NALCN: variants seen among roughly 807,000 people sequenced by gnomAD.
The protein encoded by NALCN is sodium leak channel NALCN.
A neutral mutation model predicts 225.3 loss-of-function variants in NALCN; 111 were observed. That is an observed-to-expected ratio of 0.49 (90% CI 0.42 to 0.58). The LOEUF is 0.58. NALCN is among the 20% of genes least tolerant of loss of function. The probability of loss-of-function intolerance (pLI) is 0.00; values close to 1 mark genes in which losing one functional copy is unlikely to be tolerated. For synonymous variants in NALCN, 764 were observed against 769.0 expected, an observed-to-expected ratio of 0.99 and a Z score of 0.11; for missense variants, 1,378 against 2,202.4, an observed-to-expected ratio of 0.63 and a Z score of 7.49.
intron 7 of NALCN, among the ~76,000 whole-genome samples, chr13:101,325,043 C>T (rs376026718): frequency 2.6e-5 from 4 of 152,238 alleles, no homozygotes; most frequent in African/African-American, 9.6e-5. Context: ...TCTGGACAAG[C>T]TGGTTCCTGG....
intron 14 of NALCN, chr13:101,180,732 A>C (rs1386833228): frequency 4.4e-6 from 1 of 226,680 alleles, no homozygotes; most frequent in Non-Finnish European, 8.9e-6. Context: ...ATCAGGTTCC[A>C]AGAAGAATTA....
At chr13:101,160,411 C>T (rs1268829340) in intron 15 of NALCN, among the ~76,000 whole-genome samples, 1 of 151,992 alleles carries the variant, frequency 6.6e-6, no homozygotes, top group Non-Finnish European at 1.5e-5. Flanking sequence ...ACTGACCAAG[C>T]GTGGGGAGGA....
At chr13:101,156,510 C>A (rs2037909017) in intron 15 of NALCN, among the ~76,000 whole-genome samples, 1 of 151,964 alleles carries the variant, frequency 6.6e-6, no homozygotes, top group Admixed American at 6.6e-5. Flanking sequence ...CTTACATAAC[C>A]CTCCAACCAT....
At chr13:101,091,792 T>C (rs567783730) in intron 28 of NALCN, among the ~76,000 whole-genome samples, 1 of 152,314 alleles carries the variant, frequency 6.6e-6, no homozygotes, top group South Asian at 2.1e-4. Flanking sequence ...TTTGTAGAAG[T>C]GCTTTCTTAG....
rs751624869 is a variant in NALCN at position 101,399,083 on chromosome 13, A to G, written c.44T>C (p.Val15Ala). 1 of 1,613,670 alleles carries G rather than the reference A, an allele frequency of 6.2e-7. No individual in the cohort carries two copies. Among genetic ancestry groups the G allele is most frequent in the Non-Finnish European group, 8.5e-7 (1 of 1,179,672 alleles). The change falls in exon 2 of 44, where the codon GTC becomes GCC. Residue 15 changes from valine (V) to alanine (A), a missense_variant. Coordinates refer to ENST00000251127, the MANE Select transcript of NALCN (RefSeq NM_052867.4). ...KQSSRVEAQP[V>A]TDFGPDESLS... ...AGACTCATCAGGACCAAAGTCAGTG[A>G]CTGGCTGGGCTTCCACCCTGGAACT...
At chr13:101,098,710 T>C (rs2034648188) in intron 27 of NALCN, among the ~76,000 whole-genome samples, 1 of 152,182 alleles carries the variant, frequency 6.6e-6, no homozygotes, top group South Asian at 2.1e-4. Context: ...ATCTCTTCTT[T>C]TAGTAAGATG....
intron 11 of NALCN, among the ~76,000 whole-genome samples, chr13:101,258,205 A>T (rs2042302697): frequency 6.6e-6 from 1 of 152,158 alleles, no homozygotes; most frequent in Non-Finnish European, 1.5e-5. Flanking sequence ...GACCCAGGGG[A>T]AAAGGGTTAC....
intron 11 of NALCN, among the ~76,000 whole-genome samples, chr13:101,256,964 C>G (rs2042252053): frequency 6.6e-6 from 1 of 152,058 alleles, no homozygotes. Context: ...GGGGTTTCAC[C>G]ATGTTGGCCA....
chr13:101,066,308 C>CAAA (rs72260451), intron 39 of NALCN, among the ~76,000 whole-genome samples: 9,366 of 124,904 alleles, frequency 0.075, 784 homozygotes, highest in African/African-American at 0.21. Context: ...GACTCCATCT[C>CAAA]AAAAAAAAAA....
At chr13:101,114,933 C>T (rs1201941560) in intron 18 of NALCN, among the ~76,000 whole-genome samples, 1 of 152,060 alleles carries the variant, frequency 6.6e-6, no homozygotes, top group Admixed American at 6.5e-5. Context: ...TCTTTTAGTT[C>T]GTCACATATG....
chr13:101,055,414 C>T lies in NALCN; in HGVS notation c.5098G>A (p.Val1700Met), dbSNP rs761894809. ...TCAGTCATGGGGTTCATTTTGCACA[C>T]GACAGATTTCATGGTTGTCCTTCCT... is the stretch of plus-strand genomic sequence containing the variant. Reference protein sequence around the residue: ...FGGRTTMKSVVCKMNPMTDAA... With the variant: ...FGGRTTMKSVMCKMNPMTDAA... The change falls in exon 44 of 44, where the codon GTG (valine) becomes ATG (methionine). Residue 1700 changes from valine to methionine, a missense_variant. This residue lies in a region of NALCN where 145 missense variants were observed against 169.6 expected (regional missense o/e 0.85). Transcript: ENST00000251127. 1.3e-4 allele frequency: 216 copies of T among 1,614,004 alleles called. No homozygotes were observed. The highest frequency in any genetic ancestry group is 7.4e-4 in the South Asian group (67 of 91,082).
rs976481187 is a variant in NALCN at position 101,243,856 on chromosome 13, C to T, written c.1267-5934G>A. ...CATACAGGCAGGTCCAGCTCCTCTGCGGGAAATGAAAGGCTCTCTGCCCTG... is the reference window on the plus strand; with the variant it reads ...CATACAGGCAGGTCCAGCTCCTCTGTGGGAAATGAAAGGCTCTCTGCCCTG... On this transcript the variant is annotated intron_variant, in intron 11 of 43. Transcript: ENST00000251127. 5.7e-5 allele frequency among the ~76,000 whole-genome samples: 6 copies of T among 104,492 alleles called. 1 individual carries two copies. The Middle Eastern group carries it at 0.013, about 227-fold the overall frequency. 68.6% of individuals were successfully genotyped at this position (104,492 alleles called of 152,430 possible).
At position 101,272,668 on chromosome 13, in the gene NALCN, G is replaced by C. The variant is rs561453048; in HGVS notation, c.1134+11265C>G. Among the ~76,000 whole-genome samples the C allele has an allele frequency of 3.3e-5, 5 of 152,268 alleles. No homozygotes were observed. The South Asian group carries it at 8.3e-4, about 25-fold the overall frequency. ...AGATTGAATTTGGAGAGGACAAAAG[G>C]AGAAGCATAATGGGTTGGTTTGGAG... On this transcript the variant is annotated intron_variant, in intron 10 of 43. Transcript: ENST00000251127.
intron 7 of NALCN, among the ~76,000 whole-genome samples, chr13:101,323,458 T>C (rs2044827592): frequency 6.6e-6 from 1 of 152,242 alleles, no homozygotes; most frequent in Non-Finnish European, 1.5e-5. Context: ...ATATGTACAA[T>C]ATGTTCTTAG....
At chr13:101,184,791 C>T (rs1007130079) in intron 14 of NALCN, among the ~76,000 whole-genome samples, 1 of 152,198 alleles carries the variant, frequency 6.6e-6, no homozygotes, top group Non-Finnish European at 1.5e-5. Context: ...CCTGCAGCAA[C>T]ATATCCTATT....
chr13:101,365,034 T>C (rs768640633), intron 6 of NALCN, among the ~76,000 whole-genome samples: 2 of 152,034 alleles, frequency 1.3e-5, no homozygotes, highest in Non-Finnish European at 2.9e-5. Context: ...TTTCCATTTG[T>C]ATTTCTTTTT....
intron 37 of NALCN, among the ~76,000 whole-genome samples, chr13:101,071,430 T>C (rs1462250775): frequency 6.6e-6 from 1 of 152,238 alleles, no homozygotes; most frequent in Non-Finnish European, 1.5e-5. Flanking sequence ...CTAGATAACT[T>C]GCCACAGCTT....
chr13:101,394,368 C>A (rs139996551), intron 3 of NALCN, among the ~76,000 whole-genome samples: 109 of 152,266 alleles, frequency 7.2e-4, no homozygotes, highest in African/African-American at 2.4e-3. Context: ...AAATAAAACA[C>A]TTTCTCACCA....
chr13:101,400,617 C>G (rs995170936), intron 1 of NALCN, among the ~76,000 whole-genome samples: 5 of 151,132 alleles, frequency 3.3e-5, no homozygotes, highest in African/African-American at 1.2e-4. Context: ...GCAGTTTTTA[C>G]TGGAAAAGAG....
Sources: gnomAD v4.1 joint callset for allele counts (sites outside exome capture counted in the v4.1 genomes callset) on GRCh38, gnomAD v4.1.1 for gene constraint, gnomAD v4.1.1 regional missense constraint, MANE v1.5 for transcripts, NCBI Gene and HGNC (gene_info 2026-07-23, HGNC 2026-07-21) for gene names.